Variants in ZNF93 observed in about 807,000 individuals in gnomAD.
ZNF93 encodes zinc finger protein 505.
Under a neutral mutation model 45.0 loss-of-function variants are expected in ZNF93, and 29 were observed. The observed-to-expected ratio is 0.64, with a 90% CI of 0.48 to 0.88. The LOEUF (loss-of-function observed/expected upper bound fraction) is 0.88, where lower values mean the gene tolerates loss of function less well. Ranked by LOEUF, ZNF93 falls within the 40% of genes least tolerant of loss-of-function variation. The pLI, the probability that ZNF93 is intolerant of heterozygous loss-of-function variation, is 0.00. For missense variants in ZNF93, 578 were observed against 724.0 expected (o/e 0.80, Z 2.31); for synonymous variants, 223 against 244.6 (o/e 0.91, Z 0.82).
Position 19,933,570 on chromosome 19 carries a change from A to G in ZNF93, c.615A>G (p.Glu205=), listed in dbSNP as rs374824482. 45 of 1,608,276 alleles carry G rather than the reference A, an allele frequency of 2.8e-5. No homozygotes were observed. The African/African-American group carries it at 4.7e-4, about 17-fold the overall frequency. The change falls in exon 4 of 4, where the codon GAA becomes GAG. Residue 205 remains glutamate, a synonymous_variant. Coordinates refer to ENST00000343769, the MANE Select transcript of ZNF93 (RefSeq NM_031218.4). ...HTGEKPYICE[E]CGKAFKYSSA... ...GAGAGAAACCCTACATTTGTGAAGA[A>G]TGTGGCAAAGCCTTTAAGTACTCCT...
At position 19,916,562 on chromosome 19, in the gene ZNF93, ATTG is replaced by A. The variant is rs757638050; in HGVS notation, c.138_140del (p.Val47del). ...GTTATTTATTCTTAACAAAACAGGT[ATTG>A]TTGTCTCTAAGCCAGACCTGATCGC... On this transcript the variant is annotated inframe_deletion, in exon 3 of 4. Transcript: ENST00000343769. 1.2e-6 allele frequency: 2 copies of A among 1,611,332 alleles called. No homozygotes were observed. Among genetic ancestry groups the A allele is most frequent in the South Asian group, 1.1e-5 (1 of 90,864 alleles).
At chr19:19,926,086 T>TC (rs1426071021) in intron 3 of ZNF93, 1 of 151,310 alleles carries the variant, frequency 6.6e-6, no homozygotes, top group Non-Finnish European at 1.5e-5. Flanking sequence ...GAATTTTTTT[T>TC]TTTTTTTTTT....
intron 3 of ZNF93, among the ~76,000 whole-genome samples, chr19:19,930,914 A>G (rs1211561267): frequency 6.6e-6 from 1 of 152,094 alleles, no homozygotes. Flanking sequence ...CCACAATATA[A>G]TATCAATTTT....
rs945176265 is a variant in ZNF93, at chr19:19,900,999, T to A, written c.-90T>A. The A allele has an allele frequency of 8.9e-6, 14 of 1,574,596 alleles. No homozygotes were observed. Among genetic ancestry groups the A allele is most frequent in the Admixed American group, 1.7e-5 (1 of 59,748 alleles). On this transcript the variant is annotated 5_prime_UTR_variant, in exon 1 of 4. Transcript: ENST00000343769. Reference sequence around the variant, plus strand: ...CTCCTCTTCACTACTCTGTGTCCTGTGCTCCTACAGGCCCAGCCTCTGTGG... The same window carrying A: ...CTCCTCTTCACTACTCTGTGTCCTGAGCTCCTACAGGCCCAGCCTCTGTGG...
At position 19,928,985 on chromosome 19, in the gene ZNF93, C is replaced by T. The variant is rs565113198; in HGVS notation, c.227-4197C>T. Among the ~76,000 whole-genome samples the T allele has an allele frequency of 2.6e-5, 4 of 152,134 alleles. No homozygotes were observed. The South Asian group carries it at 8.3e-4, about 32-fold the overall frequency. On this transcript the variant is annotated intron_variant, in intron 3 of 3. Coordinates refer to ENST00000343769, the MANE Select transcript of ZNF93 (RefSeq NM_031218.4). The stretch of plus-strand genomic sequence containing the variant: ...TCTATGTTGTCCAAATCTCATGCTG[C>T]AATATAAATCCTCAATGTTGGCTAT...
chr19:19,934,371 G>A lies in ZNF93; in HGVS notation c.1416G>A (p.Lys472=). The change falls in exon 4 of 4, where the codon AAG becomes AAA. Residue 472 remains lysine, a synonymous_variant. Coordinates refer to ENST00000343769, the MANE Select transcript of ZNF93 (RefSeq NM_031218.4). ...FNQSSSLTKH[K]KIHTGEKPYK... ...AGTCCTCATCCCTTACTAAACATAAGAAAATTCATACTGGAGAGAAACCCT... is the reference window on the plus strand; with the variant it reads ...AGTCCTCATCCCTTACTAAACATAAAAAAATTCATACTGGAGAGAAACCCT... 6.2e-7 allele frequency: 1 copy of A among 1,613,804 alleles called. No homozygotes were observed.
chr19:19,901,243 T>A, intron 1 of ZNF93, 152 bp downstream of exon 1: 1 of 1,306,288 alleles, frequency 7.7e-7, no homozygotes, highest in Non-Finnish European at 1.1e-6. Flanking sequence ...CCTTCAGCCA[T>A]AAGATGGCGG....
At chr19:19,916,771 C>A in intron 3 of ZNF93, 116 bp downstream of exon 3, 2 of 702,120 alleles carry the variant, frequency 2.8e-6, no homozygotes, top group Non-Finnish European at 4.6e-6. Context: ...GAAATAGTTC[C>A]TGGGCAGCTG....
chr19:19,904,207 A>AG, intron 1 of ZNF93, among the ~76,000 whole-genome samples: 1 of 112,790 alleles, frequency 8.9e-6, no homozygotes, highest in East Asian at 3.3e-4. Flanking sequence ...CTAAGTCATA[A>AG]GGGAAAGAGT....
intron 1 of ZNF93, among the ~76,000 whole-genome samples, chr19:19,909,884 G>A (rs762551465): frequency 2.6e-5 from 4 of 152,218 alleles, no homozygotes; most frequent in Non-Finnish European, 5.9e-5. Flanking sequence ...TTTTGTCTCT[G>A]CCTATTTGGT....
In ZNF93 at chr19:19,905,911, C is replaced by T. The variant is rs143762835; in HGVS notation, c.3+4820C>T. Among the ~76,000 whole-genome samples, 367 of 152,304 alleles carry T rather than the reference C, an allele frequency of 2.4e-3. 4 individuals carry two copies. Among genetic ancestry groups the T allele is most frequent in the Middle Eastern group, 0.01 (3 of 294 alleles). ...CTGACCATACTGTATTTTCTTTATT[C>T]ATTCTACCATTGATAGGCATTTATG... On this transcript the variant is annotated intron_variant, in intron 1 of 3. Transcript: ENST00000343769.
chr19:19,932,039 G>A, intron 3 of ZNF93: 1 of 344,940 alleles, frequency 2.9e-6, no homozygotes, highest in South Asian at 2.1e-5. Flanking sequence ...ACTTTGGGAG[G>A]CCAAGGTGGG....
chr19:19,916,483 G>T, intron 2 of ZNF93, 77 bp from the exon 3 acceptor site: 1 of 1,118,438 alleles, frequency 8.9e-7, no homozygotes, highest in Non-Finnish European at 1.3e-6. Flanking sequence ...TTATCACATC[G>T]TCTTTGCTGA....
At chr19:19,916,014 G>A (rs1047471174) in intron 2 of ZNF93, among the ~76,000 whole-genome samples, 3 of 151,664 alleles carry the variant, frequency 2.0e-5, no homozygotes, top group African/African-American at 7.3e-5. Context: ...TTTTGATTCA[G>A]TGGTACCAGG....
chr19:19,916,618 G>A lies in ZNF93; in HGVS notation c.189G>A (p.Leu63=). ...ATCTGGAGCAAGGAAAAAAACCTTTGACTATGAAGAGACATGAGATGGTAG... is the reference window on the plus strand; with the variant it reads ...ATCTGGAGCAAGGAAAAAAACCTTTAACTATGAAGAGACATGAGATGGTAG... ...IAHLEQGKKP[L]TMKRHEMVAN... The change falls in exon 3 of 4, where the codon TTG becomes TTA. Residue 63 remains leucine, a synonymous_variant. Transcript: ENST00000343769. 1 of 1,612,234 alleles carries A rather than the reference G, an allele frequency of 6.2e-7. No homozygotes were observed. The highest frequency in any genetic ancestry group is 8.5e-7 in the Non-Finnish European group (1 of 1,179,366).
chr19:19,920,818 A>G (rs948251304), intron 3 of ZNF93, among the ~76,000 whole-genome samples: 8 of 151,984 alleles, frequency 5.3e-5, no homozygotes, highest in Admixed American at 6.6e-5. Flanking sequence ...TATTGCATCT[A>G]TTTGATTCTT....
chr19:19,905,540 AT>A (rs780636696), intron 1 of ZNF93, among the ~76,000 whole-genome samples: 3 of 151,824 alleles, frequency 2.0e-5, no homozygotes, highest in Admixed American at 6.6e-5. Flanking sequence ...AAAGAACATG[AT>A]TTTTTTTTAA....
intron 3 of ZNF93, among the ~76,000 whole-genome samples, chr19:19,930,285 C>G (rs2063369653): frequency 6.6e-6 from 1 of 152,144 alleles, no homozygotes; most frequent in African/African-American, 2.4e-5. Flanking sequence ...AATTTTGCTA[C>G]TCTTATCTAA....
chr19:19,915,223 A>C (rs2063320150), intron 1 of ZNF93, 57 bp from the exon 2 acceptor site: 11 of 1,611,376 alleles, frequency 6.8e-6, no homozygotes, highest in South Asian at 1.1e-5. Context: ...CACCTTAAGT[A>C]AAATTAAAAA....
Sources: allele counts gnomAD v4.1 joint callset (sites outside exome capture counted in the v4.1 genomes callset), GRCh38; gene constraint gnomAD v4.1.1; transcripts MANE v1.5; gene names NCBI Gene and HGNC (gene_info 2026-07-23, HGNC 2026-07-21).